The following MEGF11 variants were observed in gnomAD, a reference collection of about 807,000 sequenced individuals.
MEGF11 encodes multiple epidermal growth factor-like domains protein 11.
A neutral mutation model predicts 146.6 loss-of-function variants in MEGF11; 126 were observed. The ratio of observed to expected loss-of-function variants is 0.86; its 90% CI spans 0.74 to 1.00. The LOEUF is 1.00. MEGF11 is among the 50% of genes least tolerant of loss of function. The pLI is 0.00. For synonymous variants in MEGF11, 532 were observed against 583.4 expected (o/e 0.91, Z 1.27); for missense variants, 1,509 against 1,521.2 (o/e 0.99, Z 0.13).
At chr15:66,168,102 C>T (rs370073546) in intron 1 of MEGF11, among the ~76,000 whole-genome samples, 7 of 152,174 alleles carry the variant, frequency 4.6e-5, no homozygotes, top group East Asian at 3.9e-4. Flanking sequence ...AAAATGCTCA[C>T]GGTGCATTCC....
chr15:66,148,513 C>T (rs2089452903), intron 1 of MEGF11, among the ~76,000 whole-genome samples: 1 of 152,196 alleles, frequency 6.6e-6, no homozygotes, highest in African/African-American at 2.4e-5. Context: ...AGGAGGTTGC[C>T]ACAGTGGGCC....
In MEGF11 at chr15:66,177,683, C is replaced by CT. The variant is rs58849037; in HGVS notation, c.-8-49273dup. Reference sequence around the variant, plus strand: ...TCCCCAATTCCATTGCCTTTTTCTTCTTTTTTTTTTTTTTTCTTTGAGACA... The same window carrying CT: ...TCCCCAATTCCATTGCCTTTTTCTTCTTTTTTTTTTTTTTTTCTTTGAGACA... On this transcript the variant is annotated intron_variant, in intron 1 of 25. Coordinates refer to ENST00000395614, the MANE Select transcript of MEGF11 (RefSeq NM_001385028.1). Among the ~76,000 whole-genome samples the CT allele has an allele frequency of 9.1e-3, 1,296 of 142,104 alleles. 18 individuals are homozygous for CT. Among genetic ancestry groups the CT allele is most frequent in the East Asian group, 0.056 (275 of 4,870 alleles). 93.2% of individuals were successfully genotyped at this position (142,104 alleles called of 152,430 possible).
chr15:66,104,162 G>A (rs1252589917), intron 4 of MEGF11, among the ~76,000 whole-genome samples: 2 of 152,256 alleles, frequency 1.3e-5, no homozygotes, highest in African/African-American at 4.8e-5. Context: ...CCTCCAGGAA[G>A]GTCTTCATCT....
intron 7 of MEGF11, among the ~76,000 whole-genome samples, chr15:65,974,953 A>T (rs1218786525): frequency 1.3e-5 from 2 of 151,834 alleles, no homozygotes; most frequent in Admixed American, 1.3e-4. Context: ...TCAAGCGATT[A>T]TCCCATCTCA....
At chr15:65,964,379 C>A (rs173005) in intron 9 of MEGF11, among the ~76,000 whole-genome samples, 2 of 152,202 alleles carry the variant, frequency 1.3e-5, no homozygotes, top group East Asian at 3.9e-4. Context: ...CCAGGGTCTG[C>A]TGGGACAACC....
intron 18 of MEGF11, 73 bp from the exon 19 acceptor site, chr15:65,915,671 A>G (rs1250277809): frequency 1.9e-6 from 3 of 1,564,534 alleles, no homozygotes; most frequent in Non-Finnish European, 1.7e-6. Flanking sequence ...TTAGACAGCT[A>G]TGGCAATAAG....
chr15:65,919,624 C>G (rs2079111553), intron 15 of MEGF11, among the ~76,000 whole-genome samples: 1 of 152,184 alleles, frequency 6.6e-6, no homozygotes, highest in Admixed American at 6.5e-5. Context: ...GCAGAGTTGC[C>G]ACAAACCTTT....
chr15:66,090,814 T>G (rs544547157), intron 5 of MEGF11, among the ~76,000 whole-genome samples: 47 of 152,252 alleles, frequency 3.1e-4, no homozygotes, highest in African/African-American at 1.0e-3. Context: ...AGAAAATGAG[T>G]GCATGACATA....
At chr15:65,916,401 G>C (rs1032736549) in intron 17 of MEGF11, 125 bp from the exon 18 acceptor site, 1 of 1,219,238 alleles carries the variant, frequency 8.2e-7, no homozygotes, top group Non-Finnish European at 1.1e-6. Flanking sequence ...GTGAGACCCT[G>C]CACCAGAGTT....
At chr15:65,907,393 C>G (rs2141165619) in intron 23 of MEGF11, among the ~76,000 whole-genome samples, 1 of 152,174 alleles carries the variant, frequency 6.6e-6, no homozygotes, top group South Asian at 2.1e-4. Context: ...CTTCCAGGTT[C>G]AATCGATTCT....
intron 5 of MEGF11, among the ~76,000 whole-genome samples, chr15:66,081,024 A>C (rs1014326787): frequency 6.6e-6 from 1 of 152,236 alleles, no homozygotes; most frequent in Admixed American, 6.5e-5. Flanking sequence ...GAGAGAGCTG[A>C]GGCCTCCCGG....
chr15:65,947,419 TG>T (rs2080239613), intron 10 of MEGF11, among the ~76,000 whole-genome samples: 1 of 152,106 alleles, frequency 6.6e-6, no homozygotes, highest in Non-Finnish European at 1.5e-5. Context: ...CCCTGTCTCC[TG>T]GGGCTGGTGT....
chr15:66,051,986 C>T (rs970893617), intron 5 of MEGF11, among the ~76,000 whole-genome samples: 2 of 152,230 alleles, frequency 1.3e-5, no homozygotes, highest in South Asian at 2.1e-4. Context: ...CTCTTATTTA[C>T]TCCATCAGCA....
chr15:66,138,092 C>G (rs958114503), intron 1 of MEGF11, among the ~76,000 whole-genome samples: 2 of 152,196 alleles, frequency 1.3e-5, no homozygotes, highest in African/African-American at 4.8e-5. Context: ...AATAAAGCCA[C>G]CTTCATTTTG....
At chr15:66,080,773 C>T (rs542568635) in intron 5 of MEGF11, among the ~76,000 whole-genome samples, 1 of 152,346 alleles carries the variant, frequency 6.6e-6, no homozygotes, top group South Asian at 2.1e-4. Flanking sequence ...TACACAGCTC[C>T]CTTCTGTCCC....
At chr15:66,070,231 A>C (rs2085309025) in intron 5 of MEGF11, among the ~76,000 whole-genome samples, 1 of 152,206 alleles carries the variant, frequency 6.6e-6, no homozygotes, top group South Asian at 2.1e-4. Context: ...TCGGTTTTAG[A>C]AACAGTCTGG....
Position 66,000,371 on chromosome 15 carries a change from A to C in MEGF11, c.395-17883T>G, listed in dbSNP as rs575981589. 2.1e-3 allele frequency among the ~76,000 whole-genome samples: 319 copies of C among 152,260 alleles called. 2 individuals are homozygous for C. The highest frequency in any genetic ancestry group is 7.5e-3 in the African/African-American group (312 of 41,536). ...TAGTGAGACCCTGTCTCTACAAAAAAATTTTTAAATATTAGCTGGACATGG... is the reference window on the plus strand; with the variant it reads ...TAGTGAGACCCTGTCTCTACAAAAACATTTTTAAATATTAGCTGGACATGG... On this transcript the variant is annotated intron_variant, in intron 5 of 25. Coordinates refer to ENST00000395614, the MANE Select transcript of MEGF11 (RefSeq NM_001385028.1).
chr15:66,246,529 G>A (rs554410321), intron 1 of MEGF11, among the ~76,000 whole-genome samples: 3 of 152,176 alleles, frequency 2.0e-5, no homozygotes, highest in Admixed American at 2.0e-4. Context: ...TCTGCCCAGT[G>A]CAGTGGCTCA....
chr15:66,058,268 G>A (rs763236006), intron 5 of MEGF11, among the ~76,000 whole-genome samples: 4 of 152,096 alleles, frequency 2.6e-5, no homozygotes, highest in Non-Finnish European at 5.9e-5. Flanking sequence ...CAGAATACAG[G>A]CTGTGCGGAA....
Sources: gnomAD v4.1 joint callset for allele counts (sites outside exome capture counted in the v4.1 genomes callset) on GRCh38, gnomAD v4.1.1 for gene constraint, MANE v1.5 for transcripts, NCBI Gene and HGNC (gene_info 2026-07-23, HGNC 2026-07-21) for gene names.